The following DNAH14 variants were observed in gnomAD, a reference collection of about 807,000 sequenced individuals.
The protein encoded by DNAH14 is axonemal beta dynein heavy chain 14.
DNAH14 carries 478 observed loss-of-function variants against 520.9 expected under a neutral mutation model. The ratio of observed to expected loss-of-function variants is 0.92; its 90% CI spans 0.85 to 0.99. The LOEUF is 0.99. Ranked by LOEUF, DNAH14 falls within the 50% of genes least tolerant of loss-of-function variation. The probability of loss-of-function intolerance (pLI) is 0.00; values close to 1 mark genes in which losing one functional copy is unlikely to be tolerated. For missense variants in DNAH14, 4,831 were observed against 5,234.5 expected (o/e 0.92, Z 2.38); for synonymous variants, 1,581 against 1,757.2 (o/e 0.90, Z 2.51).
chr1:225,219,036 A>G (rs1441687073), intron 41 of DNAH14, among the ~76,000 whole-genome samples: 1 of 152,168 alleles, frequency 6.6e-6, no homozygotes, highest in Non-Finnish European at 1.5e-5. Flanking sequence ...AAACTGAACA[A>G]CCTGCTTCTG....
chr1:225,353,748 A>C, intron 72 of DNAH14, 55 bp from the exon 73 acceptor site: 2 of 921,576 alleles, frequency 2.2e-6, no homozygotes, highest in Non-Finnish European at 3.3e-6. Flanking sequence ...ATATGTTTTA[A>C]TGATAAAAAG....
At chr1:225,219,731 A>G (rs1432001973) in intron 41 of DNAH14, among the ~76,000 whole-genome samples, 1 of 152,214 alleles carries the variant, frequency 6.6e-6, no homozygotes. Context: ...CCAGAGGTAC[A>G]AAGAGGAGCT....
chr1:225,224,082 T>C (rs1574111880), intron 41 of DNAH14, among the ~76,000 whole-genome samples: 1 of 152,160 alleles, frequency 6.6e-6, no homozygotes, highest in East Asian at 1.9e-4. Context: ...AATTAAATAC[T>C]AGCAACTTAC....
At chr1:225,155,722 C>T (rs1392420847) in intron 34 of DNAH14, among the ~76,000 whole-genome samples, 1 of 152,124 alleles carries the variant, frequency 6.6e-6, no homozygotes, top group East Asian at 1.9e-4. Context: ...TTCCAGTATA[C>T]AGGAAACTGT....
rs1559287502 is a variant in DNAH14 at position 225,206,011 on chromosome 1, C to T, written c.6018C>T (p.Asp2006=). 7.1e-6 allele frequency: 11 copies of T among 1,551,564 alleles called. No individual in the cohort carries two copies. Among genetic ancestry groups the T allele is most frequent in the Non-Finnish European group, 8.7e-6 (10 of 1,146,840 alleles). The change falls in exon 40 of 86, where the codon GAC becomes GAT. Residue 2006 remains aspartate (D), a synonymous_variant. Coordinates refer to ENST00000682510, the MANE Select transcript of DNAH14 (RefSeq NM_001367479.1). ...WQWIILDGPV[D]TFWVENLNSV... is the part of the protein sequence containing the mutation. ...GGATTATCCTAGATGGCCCAGTGGACACCTTTTGGGTAGAAAATCTGAACT... is the reference window on the plus strand; with the variant it reads ...GGATTATCCTAGATGGCCCAGTGGATACCTTTTGGGTAGAAAATCTGAACT...
At chr1:225,004,228 T>A (rs1251744379) in intron 9 of DNAH14, among the ~76,000 whole-genome samples, 1 of 152,212 alleles carries the variant, frequency 6.6e-6, no homozygotes, top group Admixed American at 6.6e-5. Flanking sequence ...TAATTCTTTA[T>A]ATATAAAAAT....
At position 225,308,373 on chromosome 1, in the gene DNAH14, TG is replaced by T; in HGVS notation, c.9205del (p.Ala3069GlnfsTer4). 1 of 1,541,952 alleles carries T rather than the reference TG, an allele frequency of 6.5e-7. No homozygotes were observed. The highest frequency in any genetic ancestry group is 8.7e-7 in the Non-Finnish European group (1 of 1,144,552). ...QMLVKQDEEI[V>X]AEEVRIVEDY... The stretch of plus-strand genomic sequence containing the variant: ...CTTGTTAAACAGGATGAAGAAATTG[TG>T]GCAGAAGAAGTAAGAATTGTGGAAG... On this transcript the variant is annotated frameshift_variant, in exon 60 of 86. Transcript: ENST00000682510. LOFTEE classifies it high-confidence loss of function.
At chr1:224,978,703 A>T (rs1387369710) in intron 8 of DNAH14, among the ~76,000 whole-genome samples, 1 of 152,110 alleles carries the variant, frequency 6.6e-6, no homozygotes, top group Non-Finnish European at 1.5e-5. Context: ...CAGTTGTGTG[A>T]TCATAGCTCA....
chr1:224,942,750 T>A (rs184113607), intron 1 of DNAH14, among the ~76,000 whole-genome samples: 14,487 of 152,144 alleles, frequency 0.095, 2,214 homozygotes, highest in African/African-American at 0.33. Flanking sequence ...TTTTCACATC[T>A]ATTGAGATAA....
At chr1:225,097,618 A>G (rs1396260496) in intron 22 of DNAH14, among the ~76,000 whole-genome samples, 2 of 151,910 alleles carry the variant, frequency 1.3e-5, no homozygotes, top group Non-Finnish European at 2.9e-5. Flanking sequence ...TACTAAACAT[A>G]CAAAAATAAG....
intron 81 of DNAH14, 142 bp from the exon 82 acceptor site, chr1:225,388,237 T>C (rs2095864167): frequency 1.9e-6 from 1 of 519,436 alleles, no homozygotes; most frequent in Non-Finnish European, 3.5e-6. Flanking sequence ...TTTCATTATA[T>C]GCTTTCAGTT....
At chr1:225,228,797 A>G (rs536001838) in intron 41 of DNAH14, among the ~76,000 whole-genome samples, 1 of 152,250 alleles carries the variant, frequency 6.6e-6, no homozygotes, top group African/African-American at 2.4e-5. Context: ...AAAGGGGGAG[A>G]TGTAGGAGAT....
intron 10 of DNAH14, among the ~76,000 whole-genome samples, chr1:225,007,927 CTT>C (rs71170042): frequency 6.9e-6 from 1 of 144,304 alleles, no homozygotes; most frequent in African/African-American, 2.5e-5. Context: ...TTTCTTTTTT[CTT>C]TTTTTTTTTT....
chr1:225,230,633 C>A (rs1028669453), intron 41 of DNAH14, among the ~76,000 whole-genome samples: 2 of 152,052 alleles, frequency 1.3e-5, no homozygotes, highest in Non-Finnish European at 2.9e-5. Flanking sequence ...GCCTAACATG[C>A]CCCAGCTGAA....
intron 53 of DNAH14, among the ~76,000 whole-genome samples, chr1:225,277,089 AG>A (rs1320845550): frequency 4.7e-5 from 2 of 42,816 alleles, no homozygotes; most frequent in Non-Finnish European, 8.3e-5. Flanking sequence ...GGAAATGGCA[AG>A]GGGGGAGGGG....
At chr1:225,111,123 A>G (rs999591719) in intron 23 of DNAH14, among the ~76,000 whole-genome samples, 15 of 152,072 alleles carry the variant, frequency 9.9e-5, no homozygotes, top group African/African-American at 3.4e-4. Context: ...GTAAATATCT[A>G]TTAGGTCCAT....
intron 41 of DNAH14, among the ~76,000 whole-genome samples, chr1:225,225,829 CACA>C (rs1449732607): frequency 6.6e-6 from 1 of 152,096 alleles, no homozygotes; most frequent in African/African-American, 2.4e-5. Context: ...TGGATTCCAG[CACA>C]ATGCATAAAA....
At chr1:225,085,453 C>T (rs2073650238) in intron 20 of DNAH14, 91 bp from the exon 21 acceptor site, 2 of 1,164,844 alleles carry the variant, frequency 1.7e-6, no homozygotes, top group African/African-American at 1.5e-5. Context: ...TTTTGATGTG[C>T]CTTTCAAAAC....
chr1:225,245,010 A>G (rs1015823340), intron 43 of DNAH14, among the ~76,000 whole-genome samples: 1 of 152,162 alleles, frequency 6.6e-6, no homozygotes, highest in Non-Finnish European at 1.5e-5. Context: ...CCCTCTTAAC[A>G]CTGCTTTAGC....
Sources: allele counts gnomAD v4.1 joint callset (sites outside exome capture counted in the v4.1 genomes callset), GRCh38; gene constraint gnomAD v4.1.1; transcripts MANE v1.5; gene names NCBI Gene and HGNC (gene_info 2026-07-23, HGNC 2026-07-21).